Variants in HPSE2 observed in about 807,000 individuals in gnomAD.
The protein encoded by HPSE2 is inactive heparanase-2.
Under a neutral mutation model 60.5 loss-of-function variants are expected in HPSE2, and 38 were observed. The observed-to-expected ratio is 0.63, with a 90% CI of 0.48 to 0.82. The LOEUF (loss-of-function observed/expected upper bound fraction) is 0.82, where lower values mean the gene tolerates loss of function less well. Among genes scored for constraint, HPSE2 ranks in the 40% least tolerant of loss-of-function variants. HPSE2 has a pLI of 0.00. For missense variants in HPSE2, 713 were observed against 740.4 expected (o/e 0.96, Z 0.43); for synonymous variants, 295 against 293.2 (o/e 1.01, Z -0.06).
chr10:99,171,377 G>T (rs1350642084), intron 2 of HPSE2, among the ~76,000 whole-genome samples: 1 of 152,074 alleles, frequency 6.6e-6, no homozygotes, highest in Non-Finnish European at 1.5e-5. Flanking sequence ...AACTACTACA[G>T]TCTGGAGAAG....
chr10:98,591,415 C>A (rs1429882873), intron 9 of HPSE2, among the ~76,000 whole-genome samples: 1 of 152,156 alleles, frequency 6.6e-6, no homozygotes, highest in Non-Finnish European at 1.5e-5. Flanking sequence ...GTAATCCCAG[C>A]ACTTTGGGAG....
chr10:99,117,550 C>G (rs778829241), intron 3 of HPSE2, among the ~76,000 whole-genome samples: 1 of 150,916 alleles, frequency 6.6e-6, no homozygotes, highest in Non-Finnish European at 1.5e-5. Flanking sequence ...ACTGACCCCA[C>G]AGAAATATAA....
intron 3 of HPSE2, among the ~76,000 whole-genome samples, chr10:98,851,772 A>G (rs1952179067): frequency 6.6e-6 from 1 of 152,226 alleles, no homozygotes; most frequent in African/African-American, 2.4e-5. Context: ...CCTCCAAGAA[A>G]GTTTCAATAT....
At position 98,658,553 on chromosome 10, in the gene HPSE2, CT is replaced by C. The variant is rs58965184; in HGVS notation, c.1005-16614del. Among the ~76,000 whole-genome samples, 563 of 145,062 alleles carry C rather than the reference CT, an allele frequency of 3.9e-3. 3 individuals are homozygous for C. Among genetic ancestry groups the C allele is most frequent in the African/African-American group, 7.5e-3 (299 of 39,820 alleles). On this transcript the variant is annotated intron_variant, in intron 6 of 11. Coordinates refer to ENST00000370552, the MANE Select transcript of HPSE2 (RefSeq NM_021828.5). Reference sequence around the variant, plus strand: ...TTGAAATAAAATCCAATTAATCAATCTTTTTTTTTTTTAGGGTTGGTGAGCT... The same window carrying C: ...TTGAAATAAAATCCAATTAATCAATCTTTTTTTTTTTAGGGTTGGTGAGCT...
intron 3 of HPSE2, among the ~76,000 whole-genome samples, chr10:98,813,796 A>G (rs1472301197): frequency 2.0e-5 from 3 of 152,154 alleles, no homozygotes; most frequent in Non-Finnish European, 4.4e-5. Context: ...CTTTCTTTCA[A>G]TATGTTTTTG....
chr10:98,536,322 A>G (rs1943281744), intron 9 of HPSE2, among the ~76,000 whole-genome samples: 1 of 152,232 alleles, frequency 6.6e-6, no homozygotes, highest in South Asian at 2.1e-4. Context: ...TTCAGACACA[A>G]CTATTTCTTT....
intron 3 of HPSE2, among the ~76,000 whole-genome samples, chr10:98,776,975 A>G (rs10883200): frequency 0.71 from 107,691 of 152,064 alleles, 39,161 homozygotes; most frequent in Non-Finnish European, 0.81. Context: ...TAGAGAGAAA[A>G]CAAATTTGGT....
chr10:98,780,595 T>C lies in HPSE2; in HGVS notation c.611-36539A>G, dbSNP rs557322490. ...TGGCCGGGGGACTGAATAGTGGAGATTGAGAAAGAAAGAGAATCTAGGAGA... is the reference window on the plus strand; with the variant it reads ...TGGCCGGGGGACTGAATAGTGGAGACTGAGAAAGAAAGAGAATCTAGGAGA... On this transcript the variant is annotated intron_variant, in intron 3 of 11. Transcript: ENST00000370552. Among the ~76,000 whole-genome samples the C allele has an allele frequency of 5.9e-5, 9 of 152,010 alleles. No homozygotes were observed. In the East Asian group the frequency reaches 1.4e-3, roughly 23 times the overall value.
At chr10:98,709,022 C>T (rs1416618679) in intron 5 of HPSE2, among the ~76,000 whole-genome samples, 3 of 152,160 alleles carry the variant, frequency 2.0e-5, no homozygotes, top group African/African-American at 7.2e-5. Context: ...GAAATCTATA[C>T]CATTCCTATA....
chr10:98,459,161 T>C lies in HPSE2; in HGVS notation c.*413A>G, dbSNP rs1940170605. The C allele has an allele frequency of 4.0e-6, 1 of 249,684 alleles. No individual in the cohort carries two copies. The highest frequency in any genetic ancestry group is 7.9e-6 in the Non-Finnish European group (1 of 126,070). 15.5% of individuals were successfully genotyped at this position (249,684 alleles called of 1,614,324 possible). A position where few individuals can be genotyped will look rare whatever the true frequency, so the allele number is the denominator to read the frequency against. ...TTGTAGGTCCACCCAGTTTTTTTCC[T>C]TCCTCATCTTCCTCTGAGGGCAGCA... On this transcript the variant is annotated 3_prime_UTR_variant, in exon 12 of 12. Transcript: ENST00000370552.
chr10:99,042,088 C>G (rs1957752427), intron 3 of HPSE2, among the ~76,000 whole-genome samples: 2 of 152,224 alleles, frequency 1.3e-5, no homozygotes, highest in African/African-American at 4.8e-5. Context: ...CAGTGTTTCT[C>G]TGGGGTGGAA....
intron 3 of HPSE2, among the ~76,000 whole-genome samples, chr10:98,925,050 A>G (rs1590087422): frequency 6.6e-6 from 1 of 152,124 alleles, no homozygotes; most frequent in Non-Finnish European, 1.5e-5. Context: ...TCCCTCCCCA[A>G]AGTGCTCAAG....
intron 3 of HPSE2, among the ~76,000 whole-genome samples, chr10:98,836,206 G>T (rs1409364829): frequency 6.6e-6 from 1 of 152,152 alleles, no homozygotes; most frequent in Non-Finnish European, 1.5e-5. Context: ...CATAGATGAG[G>T]TGTTGTCTCA....
chr10:98,975,796 C>T (rs533492489), intron 3 of HPSE2, among the ~76,000 whole-genome samples: 1 of 152,236 alleles, frequency 6.6e-6, no homozygotes, highest in South Asian at 2.1e-4. Context: ...TTTGGGCACT[C>T]AGTTTGCCTG....
chr10:98,720,423 A>G (rs773464558), intron 5 of HPSE2, among the ~76,000 whole-genome samples: 1 of 152,190 alleles, frequency 6.6e-6, no homozygotes, highest in Non-Finnish European at 1.5e-5. Context: ...CAACCATGCA[A>G]CATGATCTTG....
At chr10:98,899,871 C>T (rs866163863) in intron 3 of HPSE2, among the ~76,000 whole-genome samples, 18 of 151,480 alleles carry the variant, frequency 1.2e-4, no homozygotes, top group African/African-American at 4.4e-4. Flanking sequence ...GCAACTTCTG[C>T]CTCCTGGGTT....
In HPSE2 at chr10:98,854,164, C is replaced by T. The variant is rs181996704; in HGVS notation, c.611-110108G>A. 7.6e-4 allele frequency among the ~76,000 whole-genome samples: 116 copies of T among 152,134 alleles called. 1 individual carries two copies. The highest frequency in any genetic ancestry group is 2.7e-3 in the African/African-American group (112 of 41,520). On this transcript the variant is annotated intron_variant, in intron 3 of 11. Transcript: ENST00000370552. ...TGGCCTCTGCTCTTTTTCTTAATTTCCTCTAGGCTACTTTACTTATATTGC... is the reference window on the plus strand; with the variant it reads ...TGGCCTCTGCTCTTTTTCTTAATTTTCTCTAGGCTACTTTACTTATATTGC...
At chr10:98,658,339 G>A (rs527345344) in intron 6 of HPSE2, among the ~76,000 whole-genome samples, 1 of 152,260 alleles carries the variant, frequency 6.6e-6, no homozygotes, top group South Asian at 2.1e-4. Flanking sequence ...TTTTATTTGT[G>A]AATACTAGAA....
intron 3 of HPSE2, among the ~76,000 whole-genome samples, chr10:99,083,967 T>A (rs1271153349): frequency 2.6e-3 from 12 of 4,574 alleles, no homozygotes; most frequent in Non-Finnish European, 8.6e-4. Context: ...TGTGAAAGCC[T>A]TTTTTTTTTT....
Sources: allele counts gnomAD v4.1 joint callset (sites outside exome capture counted in the v4.1 genomes callset), GRCh38; gene constraint gnomAD v4.1.1; transcripts MANE v1.5; gene names NCBI Gene and HGNC (gene_info 2026-07-23, HGNC 2026-07-21).